Variants in NKAIN2 observed in about 807,000 individuals in gnomAD.
NKAIN2 encodes sodium/potassium transporting ATPase interacting 2, also known as sodium/potassium-transporting ATPase subunit beta-1-interacting protein 2.
NKAIN2 carries 14 observed loss-of-function variants against 32.6 expected under a neutral mutation model. That is an observed-to-expected ratio of 0.43 (90% CI 0.28 to 0.67). The LOEUF is 0.67. Among genes scored for constraint, NKAIN2 ranks in the 30% least tolerant of loss-of-function variants. The pLI is 0.17. For missense variants in NKAIN2, 198 were observed against 258.3 expected, an observed-to-expected ratio of 0.77 and a Z score of 1.60; for synonymous variants, 80 against 87.2, an observed-to-expected ratio of 0.92 and a Z score of 0.46.
intron 3 of NKAIN2, among the ~76,000 whole-genome samples, chr6:124,572,922 C>A (rs1781182864): frequency 6.6e-6 from 1 of 152,034 alleles, no homozygotes; most frequent in Non-Finnish European, 1.5e-5. Flanking sequence ...TCACTGCGTC[C>A]TCCGCCTCCC....
chr6:124,449,597 A>G (rs1776020877), intron 3 of NKAIN2, among the ~76,000 whole-genome samples: 1 of 152,118 alleles, frequency 6.6e-6, no homozygotes, highest in South Asian at 2.1e-4. Context: ...TAACATCCAC[A>G]TTTAGACCTT....
At chr6:123,808,012 T>G (rs985048437) in intron 1 of NKAIN2, among the ~76,000 whole-genome samples, 2 of 152,182 alleles carry the variant, frequency 1.3e-5, no homozygotes, top group Non-Finnish European at 2.9e-5. Flanking sequence ...TTTTTTTCCT[T>G]AAGATGTTGT....
At chr6:124,667,083 T>G (rs967123904) in intron 4 of NKAIN2, among the ~76,000 whole-genome samples, 1 of 152,180 alleles carries the variant, frequency 6.6e-6, no homozygotes, top group Non-Finnish European at 1.5e-5. Context: ...AAAGCTAGTG[T>G]AATAATATTT....
chr6:124,666,560 C>G (rs897815389), intron 4 of NKAIN2, among the ~76,000 whole-genome samples: 1 of 152,096 alleles, frequency 6.6e-6, no homozygotes, highest in South Asian at 2.1e-4. Context: ...ATATCATCCC[C>G]TTTGGAGTGT....
chr6:123,859,032 A>C (rs1230539694), intron 1 of NKAIN2, among the ~76,000 whole-genome samples: 1 of 152,234 alleles, frequency 6.6e-6, no homozygotes, highest in Non-Finnish European at 1.5e-5. Flanking sequence ...ATATATATGT[A>C]CATAAATTAC....
At chr6:124,009,580 A>T (rs1481838905) in intron 1 of NKAIN2, among the ~76,000 whole-genome samples, 3 of 152,084 alleles carry the variant, frequency 2.0e-5, no homozygotes, top group Admixed American at 2.0e-4. Context: ...TCACGTTCCA[A>T]ATGGGTACTT....
At chr6:123,856,698 C>A (rs1328208206) in intron 1 of NKAIN2, among the ~76,000 whole-genome samples, 1 of 152,020 alleles carries the variant, frequency 6.6e-6, no homozygotes, top group East Asian at 1.9e-4. Context: ...TCTGTGACAC[C>A]CCATGTGCTT....
intron 1 of NKAIN2, among the ~76,000 whole-genome samples, chr6:124,228,028 C>T (rs1381014768): frequency 1.3e-5 from 2 of 152,152 alleles, no homozygotes; most frequent in African/African-American, 4.8e-5. Context: ...GCTATATTCT[C>T]ACGTGGCAAA....
At position 123,964,207 on chromosome 6, in the gene NKAIN2, A is replaced by G. The variant is rs563268180; in HGVS notation, c.54+159953A>G. 6.6e-6 allele frequency among the ~76,000 whole-genome samples: 1 copy of G among 152,250 alleles called. No individual in the cohort carries two copies. Among genetic ancestry groups the G allele is most frequent in the Non-Finnish European group, 1.5e-5 (1 of 68,014 alleles). On this transcript the variant is annotated intron_variant, in intron 1 of 6. Transcript: ENST00000368417. The surrounding 1 kb of genome is among the most constrained non-coding windows in gnomAD (Gnocchi z 4.0). ...TGTTTTCTTTATTTATTTCAAGACT[A>G]TCTCTCCCTACAAGTTTTACCTGCT...
At chr6:124,469,022 T>G (rs1198731247) in intron 3 of NKAIN2, among the ~76,000 whole-genome samples, 1 of 152,218 alleles carries the variant, frequency 6.6e-6, no homozygotes, top group Non-Finnish European at 1.5e-5. Context: ...TTCTGCCCTT[T>G]GGGGACACCC....
intron 3 of NKAIN2, among the ~76,000 whole-genome samples, chr6:124,570,537 T>C (rs947551150): frequency 9.2e-5 from 14 of 152,188 alleles, no homozygotes; most frequent in Non-Finnish European, 1.5e-4. Flanking sequence ...GCTCAGACTG[T>C]GGCTTTAGAG....
At position 124,256,885 on chromosome 6, in the gene NKAIN2, G is replaced by T. The variant is rs797012256; in HGVS notation, c.55-26120G>T. Among the ~76,000 whole-genome samples the T allele has an allele frequency of 2.2e-3, 166 of 75,932 alleles. 1 individual carries two copies. The highest frequency in any genetic ancestry group is 0.012 in the South Asian group (21 of 1,682). 49.8% of individuals were successfully genotyped at this position (75,932 alleles called of 152,430 possible). A position where few individuals can be genotyped will look rare whatever the true frequency, so the allele number is the denominator to read the frequency against. ...ACAATGTTTCAATTAGCTTTCTGTT[G>T]TTTTTTTTTTTTTTTTTTTTTTTTG... On this transcript the variant is annotated intron_variant, in intron 1 of 6. Transcript: ENST00000368417.
chr6:124,206,219 G>A (rs745387034), intron 1 of NKAIN2, among the ~76,000 whole-genome samples: 2 of 151,764 alleles, frequency 1.3e-5, no homozygotes, highest in Non-Finnish European at 2.9e-5. Context: ...AATTAACCAC[G>A]TGTTGTGCTA....
chr6:123,966,626 G>A (rs1778094685), intron 1 of NKAIN2, among the ~76,000 whole-genome samples: 1 of 152,062 alleles, frequency 6.6e-6, no homozygotes, highest in Admixed American at 6.6e-5. Flanking sequence ...GTTAAGAAGT[G>A]GTAGGAAAAA....
intron 1 of NKAIN2, among the ~76,000 whole-genome samples, chr6:123,875,151 A>T (rs1773113406): frequency 6.6e-6 from 1 of 151,872 alleles, no homozygotes; most frequent in African/African-American, 2.4e-5. Context: ...AGAAACTCAG[A>T]TTTTTCTTTT....
chr6:124,645,955 G>T (rs1784152070), intron 3 of NKAIN2, among the ~76,000 whole-genome samples: 1 of 151,742 alleles, frequency 6.6e-6, no homozygotes, highest in Non-Finnish European at 1.5e-5. Context: ...CCCAGTTCTT[G>T]GTCATTCTAT....
At chr6:124,173,389 A>G (rs1346725518) in intron 1 of NKAIN2, among the ~76,000 whole-genome samples, 2 of 152,076 alleles carry the variant, frequency 1.3e-5, no homozygotes, top group South Asian at 4.1e-4. Context: ...AACAGCTTTA[A>G]GCTTATATTC....
At chr6:124,410,157 T>C (rs1174697140) in intron 3 of NKAIN2, among the ~76,000 whole-genome samples, 4 of 152,140 alleles carry the variant, frequency 2.6e-5, no homozygotes, top group African/African-American at 9.7e-5. Flanking sequence ...CCTGGATTCA[T>C]TGATTTTTTG....
chr6:124,808,173 C>A (rs1365708021), intron 5 of NKAIN2, among the ~76,000 whole-genome samples: 1 of 151,910 alleles, frequency 6.6e-6, no homozygotes, highest in East Asian at 1.9e-4. Flanking sequence ...CAGGCAGAGA[C>A]ACAACCAAAA....
Sources: gnomAD v4.1 joint callset for allele counts (sites outside exome capture counted in the v4.1 genomes callset) on GRCh38, gnomAD v4.1.1 for gene constraint, Gnocchi (gnomAD v3.1) non-coding constraint, MANE v1.5 for transcripts, NCBI Gene and HGNC (gene_info 2026-07-23, HGNC 2026-07-21) for gene names.